The following EXOSC9 variants were observed in gnomAD, a reference collection of about 807,000 sequenced individuals.
EXOSC9 encodes the protein exosome component 9.
EXOSC9 carries 38 observed loss-of-function variants against 56.5 expected under a neutral mutation model. The observed-to-expected ratio is 0.67, with a 90% CI of 0.52 to 0.88. The LOEUF (loss-of-function observed/expected upper bound fraction) is 0.88. Ranked by LOEUF, EXOSC9 falls within the 40% of genes least tolerant of loss-of-function variation. EXOSC9 has a pLI of 0.00. For missense variants in EXOSC9, 559 were observed against 530.5 expected, an observed-to-expected ratio of 1.05 and a Z score of -0.53; for synonymous variants, 170 against 170.8, an observed-to-expected ratio of 0.99 and a Z score of 0.04.
chr4:121,816,037 A>G (rs1724487068), intron 10 of EXOSC9: 2 of 954,408 alleles, frequency 2.1e-6, no homozygotes, highest in Middle Eastern at 3.6e-4. Flanking sequence ...TGGCACTGCA[A>G]CCTCCACCTC....
intron 8 of EXOSC9, among the ~76,000 whole-genome samples, 153 bp downstream of exon 8, chr4:121,811,824 G>C (rs1245977277): frequency 1.3e-5 from 2 of 152,086 alleles, no homozygotes; most frequent in East Asian, 3.9e-4. Flanking sequence ...TCATTAAAAA[G>C]TGTAAATACC....
chr4:121,816,348 T>A (rs753511942), intron 10 of EXOSC9, 21 bp from the exon 11 acceptor site: 88 of 1,327,852 alleles, frequency 6.6e-5, no homozygotes, highest in Admixed American at 1.5e-4. Flanking sequence ...TTTTTTTTTT[T>A]AAATTAATAA....
intron 7 of EXOSC9, 59 bp from the exon 8 acceptor site, chr4:121,811,524 A>G: frequency 1.0e-6 from 1 of 976,138 alleles, no homozygotes; most frequent in Admixed American, 2.8e-5. Flanking sequence ...TTTTAGTTTC[A>G]TTAGAGAAAA....
intron 6 of EXOSC9, among the ~76,000 whole-genome samples, chr4:121,808,330 A>G (rs1354688839): frequency 1.3e-5 from 2 of 152,202 alleles, no homozygotes. Flanking sequence ...TCCAGTAGAA[A>G]TAAAATGTGA....
intron 10 of EXOSC9, chr4:121,814,714 A>G (rs1461904238): frequency 6.6e-6 from 1 of 152,220 alleles, no homozygotes; most frequent in Non-Finnish European, 1.5e-5. Flanking sequence ...AAGCAGCCAC[A>G]TGTGGCTAGT....
Position 121,816,975 on chromosome 4 carries a change from A to C in EXOSC9, c.*119A>C, listed in dbSNP as rs928789594. 2 of 1,085,454 alleles carry C rather than the reference A, an allele frequency of 1.8e-6. No individual in the cohort carries two copies. Among genetic ancestry groups the C allele is most frequent in the African/African-American group, 1.6e-5 (1 of 61,214 alleles). The allele number at this position is 1,085,454 out of a possible 1,614,324, so 67.2% of individuals were successfully genotyped here. ...TAAAATCTAGCAGGATTTTAAAAAT[A>C]GTTTTTTGTTTTTAATGTGCTTTAA... On this transcript the variant is annotated 3_prime_UTR_variant, in exon 12 of 12. Transcript: ENST00000243498.
At chr4:121,807,940 G>T in intron 6 of EXOSC9, 1 of 288,860 alleles carries the variant, frequency 3.5e-6, no homozygotes, top group Non-Finnish European at 6.4e-6. Flanking sequence ...TATATGCTAG[G>T]CTCTAATTTG....
chr4:121,806,721 C>A (rs1727031887), intron 5 of EXOSC9, among the ~76,000 whole-genome samples: 1 of 151,878 alleles, frequency 6.6e-6, no homozygotes, highest in African/African-American at 2.4e-5. Context: ...GTGCATGAAA[C>A]ATGCTAAGTT....
In EXOSC9 at chr4:121,802,664, A is replaced by T. The variant is rs1216711007; in HGVS notation, c.162-10A>T. On this transcript the variant is annotated splice_polypyrimidine_tract_variant and intron_variant, in intron 2 of 11. Coordinates refer to ENST00000243498, the MANE Select transcript of EXOSC9 (RefSeq NM_005033.3). The stretch of plus-strand genomic sequence containing the variant: ...TATTTGGTTAATACTTTGTAACTTT[A>T]TCTTTGCAGAGTTCTTGGACAGGTT... 1 of 1,611,840 alleles carries T rather than the reference A, an allele frequency of 6.2e-7. No individual in the cohort carries two copies. The highest frequency in any genetic ancestry group is 1.7e-5 in the Admixed American group (1 of 59,218).
At position 121,807,559 on chromosome 4, in the gene EXOSC9, A is replaced by G. The variant is rs1476578900; in HGVS notation, c.542A>G (p.Asp181Gly). The G allele has an allele frequency of 3.7e-6, 6 of 1,612,072 alleles. No homozygotes were observed. In the Middle Eastern group the frequency reaches 6.6e-4, roughly 177 times the overall value. The change falls in exon 6 of 12, where the codon GAT becomes GGT. Residue 181 changes from aspartate to glycine, a missense_variant. Coordinates refer to ENST00000243498, the MANE Select transcript of EXOSC9 (RefSeq NM_005033.3). ...EVTLYTPEER[D>G]PVPLSIHHMP... ...AAACAGTATACACCTGAAGAGCGTGATCCTGTACCATTAAGTATCCACCAC... is the reference window on the plus strand; with the variant it reads ...AAACAGTATACACCTGAAGAGCGTGGTCCTGTACCATTAAGTATCCACCAC...
intron 5 of EXOSC9, 51 bp downstream of exon 5, chr4:121,804,810 C>G: frequency 3.5e-6 from 5 of 1,446,278 alleles, no homozygotes; most frequent in Non-Finnish European, 4.6e-6. Context: ...TGAGGAGGGT[C>G]TTAAATGTGC....
chr4:121,804,882 G>T, intron 5 of EXOSC9, 123 bp downstream of exon 5: 1 of 723,856 alleles, frequency 1.4e-6, no homozygotes, highest in Non-Finnish European at 2.1e-6. Context: ...CTAAAAATTT[G>T]TTTGTAAGAC....
intron 7 of EXOSC9, among the ~76,000 whole-genome samples, chr4:121,811,347 G>A (rs1299608784): frequency 6.6e-6 from 1 of 152,158 alleles, no homozygotes; most frequent in East Asian, 1.9e-4. Context: ...CTCTTCTGTG[G>A]TATCTTTTAT....
chr4:121,807,488 G>T, intron 5 of EXOSC9, 52 bp from the exon 6 acceptor site: 3 of 1,055,514 alleles, frequency 2.8e-6, no homozygotes, highest in African/African-American at 3.2e-5. Flanking sequence ...TGATTTTTTT[G>T]GATGTTCATA....
chr4:121,811,732 T>C, intron 8 of EXOSC9, 61 bp downstream of exon 8: 1 of 809,686 alleles, frequency 1.2e-6, no homozygotes, highest in South Asian at 2.2e-5. Context: ...TTTTATTATT[T>C]TTTTTAGTAT....
rs778497334 is a variant in EXOSC9 at position 121,816,831 on chromosome 4, GA to G, written c.1301del (p.Lys434ArgfsTer41). The G allele has an allele frequency of 6.3e-7, 1 of 1,595,236 alleles. No homozygotes were observed. Among genetic ancestry groups the G allele is most frequent in the Non-Finnish European group, 8.6e-7 (1 of 1,169,072 alleles). On this transcript the variant is annotated frameshift_variant, in exon 12 of 12. Transcript: ENST00000243498. LOFTEE classifies it high-confidence loss of function. ...CCAAGTAAAAAGCCAGTGAAAAGAA[GA>G]AAAAAGAAGAGAGCTGCCAATTAAA... is the stretch of plus-strand genomic sequence containing the variant. The part of the protein sequence containing the change: ...KAPSKKPVKR[R>X]KKKRAAN
At chr4:121,803,053 G>T in intron 4 of EXOSC9, 36 bp downstream of exon 4, 2 of 1,346,424 alleles carry the variant, frequency 1.5e-6, no homozygotes, top group South Asian at 2.4e-5. Flanking sequence ...ATCTTAGGAT[G>T]AATACTGTTG....
chr4:121,813,884 A>G lies in EXOSC9; in HGVS notation c.993A>G (p.Leu331=), dbSNP rs564581752. 6.2e-7 allele frequency: 1 copy of G among 1,612,488 alleles called. No homozygotes were observed. Among genetic ancestry groups the G allele is most frequent in the Admixed American group, 1.7e-5 (1 of 59,980 alleles). ...PPSEVVSTPV[L]WTPGTAQIGE... is the part of the protein sequence containing the mutation. ...TGTTAAGTGTTTCTACACCTGTGCT[A>G]TGGACTCCTGGAACTGCCCAAATTG... Residue 331 remains leucine (L), a synonymous_variant, in exon 10 of 12, where the codon CTA becomes CTG. Coordinates refer to ENST00000243498, the MANE Select transcript of EXOSC9 (RefSeq NM_005033.3).
In EXOSC9 at chr4:121,816,896, G is replaced by A. The variant is rs549907729; in HGVS notation, c.*40G>A. On this transcript the variant is annotated 3_prime_UTR_variant, in exon 12 of 12. Transcript: ENST00000243498. ...TATCTGTATATATAACTATTAAAAGGGATATTTATTCCATTCTGAGAACCC... is the reference window on the plus strand; with the variant it reads ...TATCTGTATATATAACTATTAAAAGAGATATTTATTCCATTCTGAGAACCC... The A allele has an allele frequency of 3.4e-6, 5 of 1,462,750 alleles. No homozygotes were observed. The highest frequency in any genetic ancestry group is 2.5e-5 in the East Asian group (1 of 39,784). The allele number at this position is 1,462,750 out of a possible 1,614,324, so 90.6% of individuals were successfully genotyped here. A position where few individuals can be genotyped will look rare whatever the true frequency, so the allele number is the denominator to read the frequency against.
Sources: allele counts gnomAD v4.1 joint callset (sites outside exome capture counted in the v4.1 genomes callset), GRCh38; gene constraint gnomAD v4.1.1; transcripts MANE v1.5; gene names NCBI Gene and HGNC (gene_info 2026-07-23, HGNC 2026-07-21).